The following EXOSC10 variants were observed in gnomAD, a reference collection of about 807,000 sequenced individuals.
The protein encoded by EXOSC10 is exosome complex component 10.
In EXOSC10, 94 loss-of-function variants were observed where a neutral mutation model predicts 126.6. The observed-to-expected ratio is 0.74, with a 90% CI of 0.63 to 0.88. The LOEUF is 0.88. Ranked by LOEUF, EXOSC10 falls within the 40% of genes least tolerant of loss-of-function variation. The pLI is 0.00. For synonymous variants in EXOSC10, 395 were observed against 400.8 expected, an observed-to-expected ratio of 0.99 and a Z score of 0.17; for missense variants, 1,041 against 1,100.5, an observed-to-expected ratio of 0.95 and a Z score of 0.77.
chr1:11,090,732 G>T, intron 5 of EXOSC10, 64 bp from the exon 6 acceptor site: 1 of 1,240,372 alleles, frequency 8.1e-7, no homozygotes, highest in Non-Finnish European at 1.1e-6. Context: ...ATTACACAGG[G>T]GTAAACTGGT....
intron 4 of EXOSC10, 50 bp downstream of exon 4, chr1:11,091,443 C>G (rs1557716372): frequency 2.0e-6 from 3 of 1,487,300 alleles, no homozygotes; most frequent in Non-Finnish European, 1.9e-6. Flanking sequence ...AGCAAAATCT[C>G]TGTTATGAAG....
At chr1:11,068,736 G>C (rs940505642) in intron 22 of EXOSC10, 30 bp from the exon 23 acceptor site, 13 of 1,583,376 alleles carry the variant, frequency 8.2e-6, no homozygotes, top group Non-Finnish European at 1.1e-5. Context: ...AGAGACCTGC[G>C]GTCAGGTCAA....
chr1:11,089,836 T>C (rs1258954069), intron 6 of EXOSC10, among the ~76,000 whole-genome samples: 1 of 151,812 alleles, frequency 6.6e-6, no homozygotes, highest in Admixed American at 6.6e-5. Context: ...CACAGCTACT[T>C]GGGAGGCAGA....
In EXOSC10 at chr1:11,079,752, G is replaced by A; in HGVS notation, c.1708C>T (p.His570Tyr). ...PLVRQQINEMHLLIQQAREMP... is the reference protein window; with the variant it reads ...PLVRQQINEMYLLIQQAREMP... ...TCTCGGGCCTGCTGGATTAAAAGGT[G>A]CATTTCGTTGATCTGCTGCCGCACA... is the stretch of plus-strand genomic sequence containing the variant. The change falls in exon 14 of 25, where the codon CAC becomes TAC. Residue 570 changes from histidine (H) to tyrosine (Y), a missense_variant. By Grantham distance (83) the His-to-Tyr change is moderately conservative. Coordinates refer to ENST00000376936, the MANE Select transcript of EXOSC10 (RefSeq NM_001001998.3). The A allele has an allele frequency of 6.2e-7, 1 of 1,613,990 alleles. No homozygotes were observed. The highest frequency in any genetic ancestry group is 8.5e-7 in the Non-Finnish European group (1 of 1,179,972).
rs199509210 is a variant in EXOSC10, at chr1:11,081,171, T to G, written c.1348A>C (p.Lys450Gln). 318 of 1,614,220 alleles carry G rather than the reference T, an allele frequency of 2.0e-4. No homozygotes were observed. The highest frequency in any genetic ancestry group is 2.2e-4 in the South Asian group (20 of 91,084). The change falls in exon 11 of 25, where the codon AAA becomes CAA. Residue 450 changes from lysine (K) to glutamine (Q), a missense_variant. Physicochemically the swap from Lys to Gln is moderately conservative, Grantham distance 53 (BLOSUM62 1). Coordinates refer to ENST00000376936, the MANE Select transcript of EXOSC10 (RefSeq NM_001001998.3). Reference protein sequence around the residue: ...DTHYLLYIYDKMRLEMWERGN... With the variant: ...DTHYLLYIYDQMRLEMWERGN... ...CGCTCCCACATCTCCAGCCTCATTT[T>G]GTCATAGATATATAGCAGGTAATGG...
At chr1:11,089,969 C>A (rs72871407) in intron 6 of EXOSC10, among the ~76,000 whole-genome samples, 1 of 150,688 alleles carries the variant, frequency 6.6e-6, no homozygotes, top group Non-Finnish European at 1.5e-5. Context: ...CTACAAGAAG[C>A]CTGCATCTCT....
intron 9 of EXOSC10, among the ~76,000 whole-genome samples, chr1:11,083,105 G>A (rs183400615): frequency 1.3e-5 from 2 of 152,022 alleles, no homozygotes; most frequent in East Asian, 1.9e-4. Flanking sequence ...GTGCCACCAC[G>A]CCCAGCTAAA....
intron 9 of EXOSC10, among the ~76,000 whole-genome samples, chr1:11,083,727 C>T (rs200024266): frequency 0.032 from 3,433 of 108,736 alleles, no homozygotes; most frequent in South Asian, 0.039. Context: ...GCTGCACCCA[C>T]TAACTCATCA....
chr1:11,079,754 A>G lies in EXOSC10; in HGVS notation c.1706T>C (p.Met569Thr). ...PPLVRQQINEMHLLIQQAREM... is the reference protein window; with the variant it reads ...PPLVRQQINETHLLIQQAREM... ...TCGGGCCTGCTGGATTAAAAGGTGC[A>G]TTTCGTTGATCTGCTGCCGCACAAG... The change falls in exon 14 of 25, where the codon ATG becomes ACG. Residue 569 changes from methionine to threonine, a missense_variant. Met to Thr is a moderately conservative substitution (Grantham distance 81, BLOSUM62 -1). This residue lies in a region of EXOSC10 where 388 missense variants were observed against 415.2 expected (regional missense o/e 0.93). Transcript: ENST00000376936. 6.2e-7 allele frequency: 1 copy of G among 1,613,966 alleles called. No individual in the cohort carries two copies. Among genetic ancestry groups the G allele is most frequent in the Non-Finnish European group, 8.5e-7 (1 of 1,179,966 alleles).
chr1:11,099,421 C>T (rs529311912), intron 1 of EXOSC10, among the ~76,000 whole-genome samples: 2 of 152,196 alleles, frequency 1.3e-5, no homozygotes, highest in African/African-American at 2.4e-5. Context: ...GCGTGGCGAG[C>T]GCGACGTCGC....
chr1:11,099,707 C>T lies in EXOSC10; in HGVS notation c.111+14G>A, dbSNP rs368260438. The T allele has an allele frequency of 3.1e-6, 5 of 1,594,358 alleles. No homozygotes were observed. In the African/African-American group the frequency reaches 5.4e-5, roughly 17 times the overall value. On this transcript the variant is annotated intron_variant, in intron 1 of 24. Coordinates refer to ENST00000376936, the MANE Select transcript of EXOSC10 (RefSeq NM_001001998.3). ...CGGGCGACTCCTGGTACCCCCGAGG[C>T]CCCGCGAACTCACCTTCACAAAGCT...
intron 4 of EXOSC10, 129 bp from the exon 5 acceptor site, chr1:11,091,308 G>A: frequency 1.0e-6 from 1 of 988,384 alleles, no homozygotes; most frequent in South Asian, 1.6e-5. Flanking sequence ...GAATGTATGT[G>A]CATGTAGAGG....
At chr1:11,069,997 C>A (rs560761617) in intron 21 of EXOSC10, among the ~76,000 whole-genome samples, 8 of 151,984 alleles carry the variant, frequency 5.3e-5, no homozygotes, top group African/African-American at 1.5e-4. Context: ...GTGCTTTGGG[C>A]GGCCTAGGTG....
At chr1:11,080,249 A>C (rs561684448) in intron 13 of EXOSC10, among the ~76,000 whole-genome samples, 2 of 152,318 alleles carry the variant, frequency 1.3e-5, no homozygotes, top group East Asian at 3.9e-4. Flanking sequence ...AGATGCTATA[A>C]GGCTCAGAGA....
Position 11,071,243 on chromosome 1 carries a change from C to T in EXOSC10, c.2243-270G>A, listed in dbSNP as rs144616617. On this transcript the variant is annotated intron_variant, in intron 20 of 24. Transcript: ENST00000376936. Reference sequence around the variant, plus strand: ...ACCTAAATGCTCAGTGGCCTGTGGACCTGAGGGCGTTTAACAGGATCGTCA... The same window carrying T: ...ACCTAAATGCTCAGTGGCCTGTGGATCTGAGGGCGTTTAACAGGATCGTCA... The T allele has an allele frequency of 9.0e-4, 396 of 442,234 alleles. 6 individuals carry two copies. The highest frequency in any genetic ancestry group is 7.3e-3 in the African/African-American group (366 of 50,448). The allele number at this position is 442,234 out of a possible 1,614,324, so 27.4% of individuals were successfully genotyped here.
At chr1:11,093,127 C>T in intron 3 of EXOSC10, among the ~76,000 whole-genome samples, 1 of 152,126 alleles carries the variant, frequency 6.6e-6, no homozygotes, top group East Asian at 1.9e-4. Context: ...ATTAGTATGT[C>T]ATGCCAAGTA....
chr1:11,079,746 A>G lies in EXOSC10; in HGVS notation c.1714T>C (p.Leu572=). The G allele has an allele frequency of 6.2e-7, 1 of 1,613,980 alleles. No individual in the cohort carries two copies. The highest frequency in any genetic ancestry group is 8.5e-7 in the Non-Finnish European group (1 of 1,179,950). ...VRQQINEMHL[L]IQQAREMPLL... is the part of the protein sequence containing the mutation. Reference sequence around the variant, plus strand: ...GGCATCTCTCGGGCCTGCTGGATTAAAAGGTGCATTTCGTTGATCTGCTGC... The same window carrying G: ...GGCATCTCTCGGGCCTGCTGGATTAGAAGGTGCATTTCGTTGATCTGCTGC... Residue 572 remains leucine (L), a synonymous_variant, in exon 14 of 25, where the codon TTA becomes CTA. Coordinates refer to ENST00000376936, the MANE Select transcript of EXOSC10 (RefSeq NM_001001998.3).
Position 11,082,326 on chromosome 1 carries a change from T to TACAC in EXOSC10, c.1280+361_1280+362insGTGT, listed in dbSNP as rs575436834. 4.0e-3 allele frequency among the ~76,000 whole-genome samples: 604 copies of TACAC among 151,198 alleles called. 9 individuals carry two copies. The highest frequency in any genetic ancestry group is 0.014 in the African/African-American group (573 of 41,390). On this transcript the variant is annotated intron_variant, in intron 10 of 24. Coordinates refer to ENST00000376936, the MANE Select transcript of EXOSC10 (RefSeq NM_001001998.3). ...CTTTCCCACCTATGGAAGGTCATCTTGCACACACACACACACACACAATCA... is the reference window on the plus strand; with the variant it reads ...CTTTCCCACCTATGGAAGGTCATCTTACACGCACACACACACACACACACAATCA...
At chr1:11,079,161 C>T (rs1639994475) in intron 14 of EXOSC10, among the ~76,000 whole-genome samples, 1 of 151,664 alleles carries the variant, frequency 6.6e-6, no homozygotes, top group Non-Finnish European at 1.5e-5. Flanking sequence ...GAAACCCCGC[C>T]TCTACTAAAA....
Sources: allele counts gnomAD v4.1 joint callset (sites outside exome capture counted in the v4.1 genomes callset), GRCh38; gene constraint gnomAD v4.1.1; regional missense constraint gnomAD v4.1.1; transcripts MANE v1.5; gene names NCBI Gene and HGNC (gene_info 2026-07-23, HGNC 2026-07-21).